Variants in PKIG observed in about 807,000 individuals in gnomAD.
PKIG encodes cAMP-dependent protein kinase inhibitor gamma, also known as protein kinase (cAMP-dependent, catalytic) inhibitor gamma.
PKIG carries 1 observed loss-of-function variant against 6.8 expected under a neutral mutation model. That is an observed-to-expected ratio of 0.15 (90% CI 0.05 to 0.69). The LOEUF (loss-of-function observed/expected upper bound fraction) is 0.69. Among genes scored for constraint, PKIG ranks in the 30% least tolerant of loss-of-function variants. The pLI is 0.82. For missense variants in PKIG, 77 were observed against 104.0 expected, an observed-to-expected ratio of 0.74 and a Z score of 1.13; for synonymous variants, 39 against 43.0, an observed-to-expected ratio of 0.91 and a Z score of 0.36.
At chr20:44,544,938 T>C (rs1354509237) in intron 1 of PKIG, among the ~76,000 whole-genome samples, 44 of 133,230 alleles carry the variant, frequency 3.3e-4, no homozygotes, top group Admixed American at 2.6e-3. Flanking sequence ...TTTTTTTTTT[T>C]TTTTTTTTTT....
chr20:44,574,709 G>A (rs2064881464), intron 1 of PKIG, among the ~76,000 whole-genome samples: 1 of 151,994 alleles, frequency 6.6e-6, no homozygotes, highest in African/African-American at 2.4e-5. Flanking sequence ...AGGCAGGTGG[G>A]ACTACAGGCA....
chr20:44,598,810 G>A (rs2065095973), intron 2 of PKIG: 1 of 152,262 alleles, frequency 6.6e-6, no homozygotes, highest in East Asian at 1.9e-4. Flanking sequence ...AAGAGAGTTT[G>A]TGTCACAATT....
intron 1 of PKIG, among the ~76,000 whole-genome samples, chr20:44,545,398 A>G (rs1816567638): frequency 6.6e-6 from 1 of 152,238 alleles, no homozygotes; most frequent in South Asian, 2.1e-4. Context: ...AAAAAGGAAA[A>G]AAGATACTGC....
intron 2 of PKIG, among the ~76,000 whole-genome samples, chr20:44,596,202 C>T (rs937757587): frequency 2.0e-5 from 3 of 152,166 alleles, no homozygotes; most frequent in East Asian, 1.9e-4. Context: ...GCCTGGCTCA[C>T]GGGACATTTC....
At chr20:44,548,897 CACACACATAT>C (rs1405409523) in intron 1 of PKIG, among the ~76,000 whole-genome samples, 3 of 116,290 alleles carry the variant, frequency 2.6e-5, no homozygotes, top group Non-Finnish European at 3.6e-5. Context: ...CACACACACA[CACACACATAT>C]ATCTGTCTGA....
At chr20:44,612,789 C>A (rs1045061867) in intron 2 of PKIG, among the ~76,000 whole-genome samples, 30 of 152,274 alleles carry the variant, frequency 2.0e-4, no homozygotes, top group Non-Finnish European at 2.8e-4. Flanking sequence ...TTTAGCCCAG[C>A]AGTTCTACTT....
At chr20:44,545,937 G>A (rs911001555) in intron 1 of PKIG, among the ~76,000 whole-genome samples, 6 of 151,862 alleles carry the variant, frequency 4.0e-5, no homozygotes, top group Admixed American at 2.6e-4. Flanking sequence ...AACTTTAATT[G>A]CTTGAACTTA....
intron 1 of PKIG, among the ~76,000 whole-genome samples, chr20:44,589,218 T>A (rs1161372172): frequency 6.6e-6 from 1 of 152,108 alleles, no homozygotes; most frequent in Non-Finnish European, 1.5e-5. Flanking sequence ...ACACCTGTAA[T>A]CTCAACTAGT....
rs1355310901 is a variant in PKIG, at chr20:44,592,542, A to AGT, written c.-24+2680_-24+2681dup. 4.6e-5 allele frequency among the ~76,000 whole-genome samples: 7 copies of AGT among 152,300 alleles called. No individual in the cohort carries two copies. In the East Asian group the frequency reaches 1.2e-3, roughly 25 times the overall value. On this transcript the variant is annotated intron_variant, in intron 2 of 3. Coordinates refer to ENST00000372886, the MANE Select transcript of PKIG (RefSeq NM_001281445.2). ...ATGGGCAAACTGCTTGGCAGCTAGG[A>AGT]GTGTGCCTGCTCATCTCCCAGGCTG...
chr20:44,608,765 A>G (rs1600898637), intron 2 of PKIG, among the ~76,000 whole-genome samples: 1 of 150,530 alleles, frequency 6.6e-6, no homozygotes, highest in African/African-American at 2.5e-5. Flanking sequence ...GTACCACTGC[A>G]CTCCAGCCTG....
rs560782136 is a variant in PKIG at position 44,614,045 on chromosome 20, G to A, written c.-23-489G>A. Among the ~76,000 whole-genome samples the A allele has an allele frequency of 6.6e-4, 101 of 152,202 alleles. No homozygotes were observed. Among genetic ancestry groups the A allele is most frequent in the African/African-American group, 2.4e-3 (98 of 41,518 alleles). On this transcript the variant is annotated intron_variant, in intron 2 of 3. Transcript: ENST00000372886. The surrounding 1 kb of genome is among the most constrained non-coding windows in gnomAD (Gnocchi z 4.6). ...ATCTGCATGACGCCTCGTCCTCCTTGGTTCTCAGCTAAAATGTCACTTTGT... is the reference window on the plus strand; with the variant it reads ...ATCTGCATGACGCCTCGTCCTCCTTAGTTCTCAGCTAAAATGTCACTTTGT...
chr20:44,560,967 A>G (rs549024211), intron 1 of PKIG, among the ~76,000 whole-genome samples: 3 of 152,254 alleles, frequency 2.0e-5, no homozygotes, highest in Non-Finnish European at 2.9e-5. Context: ...TATCAAAGCC[A>G]TGAGATACTG....
chr20:44,611,644 G>A (rs1264899846), intron 2 of PKIG, among the ~76,000 whole-genome samples: 7 of 151,636 alleles, frequency 4.6e-5, no homozygotes, highest in Non-Finnish European at 8.8e-5. Flanking sequence ...AGCCTCCTGA[G>A]TAGCTGGGAC....
chr20:44,603,491 C>T (rs2065139199), intron 2 of PKIG, among the ~76,000 whole-genome samples: 1 of 152,072 alleles, frequency 6.6e-6, no homozygotes, highest in Non-Finnish European at 1.5e-5. Flanking sequence ...CCCTAGATGC[C>T]TTCTACCCTG....
intron 2 of PKIG, among the ~76,000 whole-genome samples, chr20:44,599,325 G>A (rs1370480548): frequency 6.6e-6 from 1 of 152,198 alleles, no homozygotes; most frequent in African/African-American, 2.4e-5. Flanking sequence ...CTGAGTTTCA[G>A]CTGCCTCTTT....
chr20:44,582,875 C>G (rs1342218815), intron 1 of PKIG, 144 bp downstream of exon 1: 1 of 152,212 alleles, frequency 6.6e-6, no homozygotes, highest in African/African-American at 2.4e-5. Flanking sequence ...TGAGCTTGCT[C>G]TGAAAATTAT....
At chr20:44,606,892 G>C (rs6130646) in intron 2 of PKIG, among the ~76,000 whole-genome samples, 1 of 152,236 alleles carries the variant, frequency 6.6e-6, no homozygotes, top group African/African-American at 2.4e-5. Flanking sequence ...CAGTGTTCAA[G>C]GTGCCCTCTT....
chr20:44,590,655 A>G (rs527728189), intron 2 of PKIG, among the ~76,000 whole-genome samples: 1 of 152,208 alleles, frequency 6.6e-6, no homozygotes, highest in South Asian at 2.1e-4. Context: ...GCATCCATGG[A>G]TGTGGTTGTT....
chr20:44,537,240 G>C (rs541500256), intron 1 of PKIG, among the ~76,000 whole-genome samples: 105 of 152,314 alleles, frequency 6.9e-4, no homozygotes, highest in Middle Eastern at 3.4e-3. Context: ...GAGTAGCTGG[G>C]ATTACAGGCA....
Sources: allele counts gnomAD v4.1 joint callset (sites outside exome capture counted in the v4.1 genomes callset), GRCh38; gene constraint gnomAD v4.1.1; non-coding constraint Gnocchi (gnomAD v3.1); transcripts MANE v1.5; gene names NCBI Gene and HGNC (gene_info 2026-07-23, HGNC 2026-07-21).